Variants in UPF3B observed in about 807,000 individuals in gnomAD.
The protein encoded by UPF3B is UPF3B regulator of nonsense mediated mRNA decay.
Under a neutral mutation model 40.3 loss-of-function variants are expected in UPF3B, and 7 were observed. The observed-to-expected ratio is 0.17, with a 90% confidence interval of 0.10 to 0.33. UPF3B has a LOEUF of 0.33. Among genes scored for constraint, UPF3B ranks in the 10% least tolerant of loss-of-function variants. The probability of loss-of-function intolerance (pLI) is 1.00; values close to 1 mark genes in which losing one functional copy is unlikely to be tolerated. For missense variants in UPF3B, 229 were observed against 358.9 expected, an observed-to-expected ratio of 0.64 and a Z score of 2.93; for synonymous variants, 117 against 117.3, an observed-to-expected ratio of 1.00 and a Z score of 0.01.
At chrX:119,819,117 A>T (rs1476906870) in intron 4 of UPF3B, among the ~76,000 whole-genome samples, 1 of 103,325 alleles carries the variant, frequency 9.7e-6, no homozygotes, top group Non-Finnish European at 2.0e-5. Flanking sequence ...GCAGTGGTGC[A>T]ATCTCGGCTC....
chrX:119,850,066 G>C (rs755409228), intron 3 of UPF3B, among the ~76,000 whole-genome samples: 1 of 103,342 alleles, frequency 9.7e-6, no homozygotes, highest in Admixed American at 1.0e-4. Context: ...GAGGTGGGGG[G>C]GGGGAAATCA....
At chrX:119,840,317 G>T (rs1215755341) in intron 8 of UPF3B, among the ~76,000 whole-genome samples, 1 of 111,032 alleles carries the variant, frequency 9.0e-6, no homozygotes, top group Non-Finnish European at 1.9e-5. Context: ...GGCACATATT[G>T]CAGGGTATTT....
At chrX:119,838,193 C>A in intron 9 of UPF3B, 142 bp from the exon 10 acceptor site, 2 of 917,254 alleles carry the variant, frequency 2.2e-6, no homozygotes, top group Non-Finnish European at 3.1e-6. Flanking sequence ...TAAGAAGGAA[C>A]AAAACCCCAA....
chrX:119,850,060 T>TGGG (rs200538827), intron 3 of UPF3B, among the ~76,000 whole-genome samples: 1 of 56,861 alleles, frequency 1.8e-5, no homozygotes, highest in African/African-American at 7.0e-5. Context: ...GAGGCTGAGG[T>TGGG]GGGGGGGGGG....
chrX:119,840,567 C>T, intron 8 of UPF3B, 79 bp downstream of exon 8: 1 of 965,279 alleles, frequency 1.0e-6, no homozygotes, highest in East Asian at 3.1e-5. Flanking sequence ...ACCACCACCA[C>T]CACCAAAAGG....
chrX:119,837,771 G>T lies in UPF3B; in HGVS notation c.1288C>A (p.Arg430=), dbSNP rs122468181. 1 of 1,208,001 alleles carries T rather than the reference G, an allele frequency of 8.3e-7. No homozygotes were observed. ...ACAAGCAGCACCTTGTTTCTTATTC[G>T]ATCTCTCTTGACCACTTCTTCTTTC... is the stretch of plus-strand genomic sequence containing the variant. The part of the protein sequence containing the change: ...EKKEEVVKRD[R]IRNKDRPAMQ... The change falls in exon 10 of 11, where the codon CGA becomes AGA. Residue 430 remains arginine, a synonymous_variant. Coordinates refer to ENST00000276201, the MANE Select transcript of UPF3B (RefSeq NM_080632.3).
At chrX:119,818,397 G>A (rs549560887) in intron 4 of UPF3B, among the ~76,000 whole-genome samples, 3 of 111,799 alleles carry the variant, frequency 2.7e-5, no homozygotes, top group African/African-American at 6.5e-5. Context: ...CCTGGCCCAC[G>A]TGGTGAAACC....
In UPF3B at chrX:119,842,580, T is replaced by TCTCACACACACACACA. The variant is rs1556379941; in HGVS notation, c.580+610_580+611insTGTGTGTGTGTGTGAG. 1.1e-4 allele frequency among the ~76,000 whole-genome samples: 8 copies of TCTCACACACACACACA among 71,459 alleles called. 1 individual carries two copies. The highest frequency in any genetic ancestry group is 3.7e-4 in the African/African-American group (6 of 16,349). The allele number at this position is 71,459 out of a possible 115,157, so 62.1% of individuals were successfully genotyped here. ...GGGCGACAGAGCAAGACTCCATCTC[T>TCTCACACACACACACA]CACACACACACACACACACACACAT... On this transcript the variant is annotated intron_variant, in intron 5 of 10. Coordinates refer to ENST00000276201, the MANE Select transcript of UPF3B (RefSeq NM_080632.3).
chrX:119,842,875 T>C (rs1449512887), intron 5 of UPF3B, among the ~76,000 whole-genome samples: 2 of 112,052 alleles, frequency 1.8e-5, no homozygotes, highest in African/African-American at 6.5e-5. Flanking sequence ...CAAAATTTTT[T>C]TAGGAATATG....
At chrX:119,832,545 G>A (rs775936095), downstream of UPF3B, among the ~76,000 whole-genome samples, 1 of 112,104 alleles carries the variant, frequency 8.9e-6, no homozygotes, top group South Asian at 3.7e-4. Flanking sequence ...TGGGATTACA[G>A]GCATGAGCCA....
chrX:119,813,213 T>C (rs2055838443), intron 5 of UPF3B, among the ~76,000 whole-genome samples: 1 of 111,568 alleles, frequency 9.0e-6, no homozygotes, highest in Non-Finnish European at 1.9e-5. Flanking sequence ...GGGACAAGAA[T>C]AGTGGATGTA....
At position 119,842,605 on chromosome X, in the gene UPF3B, T is replaced by TACACACACACACAC. The variant is rs543555558; in HGVS notation, c.580+572_580+585dup. On this transcript the variant is annotated intron_variant, in intron 5 of 10. Transcript: ENST00000276201. ...TCACACACACACACACACACACACA[T>TACACACACACACAC]ACACACACACACACACACACACACA... Among the ~76,000 whole-genome samples the TACACACACACACAC allele has an allele frequency of 6.1e-3, 561 of 91,376 alleles. 7 individuals are homozygous for TACACACACACACAC. Among genetic ancestry groups the TACACACACACACAC allele is most frequent in the African/African-American group, 0.019 (458 of 24,066 alleles). 79.3% of individuals were successfully genotyped at this position (91,376 alleles called of 115,157 possible).
intron 9 of UPF3B, 42 bp from the exon 10 acceptor site, chrX:119,838,093 T>C: frequency 1.7e-6 from 2 of 1,198,823 alleles, no homozygotes; most frequent in Non-Finnish European, 1.1e-6. Context: ...TGAAAGATCT[T>C]GTAATCACAA....
rs371031473 is a variant in UPF3B, at chrX:119,852,959, G to A, written c.-31C>T. ...CGTCCCCCGCTGAAGCGGCTTGGCC[G>A]GAACGGGGTTACCCCGGGCACAAAC... On this transcript the variant is annotated 5_prime_UTR_variant, in exon 1 of 11. Coordinates refer to ENST00000276201, the MANE Select transcript of UPF3B (RefSeq NM_080632.3). 15 of 1,210,310 alleles carry A rather than the reference G, an allele frequency of 1.2e-5. No individual in the cohort carries two copies. The highest frequency in any genetic ancestry group is 1.7e-5 in the African/African-American group (1 of 57,508).
At chrX:119,815,342 A>T (rs766464395) in intron 4 of UPF3B, 93 of 663,928 alleles carry the variant, frequency 1.4e-4, no homozygotes, top group Non-Finnish European at 1.6e-4. Flanking sequence ...TGTTACAACA[A>T]TGCTGCTAAG....
At chrX:119,827,344 A>G (rs1460171763) in intron 3 of UPF3B, among the ~76,000 whole-genome samples, 1 of 111,659 alleles carries the variant, frequency 9.0e-6, no homozygotes, top group East Asian at 2.8e-4. Context: ...AAATAAATAT[A>G]TAAATAAATG....
intron 3 of UPF3B, among the ~76,000 whole-genome samples, chrX:119,845,987 C>T (rs747224352): frequency 1.8e-3 from 195 of 109,617 alleles, no homozygotes; most frequent in Middle Eastern, 4.7e-3. Context: ...TATATGTATA[C>T]AATATGTATA....
chrX:119,807,307 A>G (rs2055800812), intron 6 of UPF3B, among the ~76,000 whole-genome samples: 1 of 111,900 alleles, frequency 8.9e-6, no homozygotes, highest in African/African-American at 3.2e-5. Flanking sequence ...ACTCCTCTGC[A>G]GTGTACCCCA....
chrX:119,840,566 A>G (rs1325321793), intron 8 of UPF3B, 80 bp downstream of exon 8: 4 of 952,901 alleles, frequency 4.2e-6, no homozygotes, highest in African/African-American at 1.9e-5. Context: ...TACCACCACC[A>G]CCACCAAAAG....
Sources: allele counts gnomAD v4.1 joint callset (sites outside exome capture counted in the v4.1 genomes callset), GRCh38; gene constraint gnomAD v4.1.1; transcripts MANE v1.5; gene names NCBI Gene and HGNC (gene_info 2026-07-23, HGNC 2026-07-21).